The following EDN1 variants were observed in gnomAD, a reference collection of about 807,000 sequenced individuals.
EDN1 encodes endothelin 1, also known as endothelin-1.
A neutral mutation model predicts 21.7 loss-of-function variants in EDN1; 11 were observed. That is an observed-to-expected ratio of 0.51 (90% CI 0.32 to 0.84). EDN1 has a LOEUF of 0.84. EDN1 is among the 40% of genes least tolerant of loss of function. The pLI, the probability that EDN1 is intolerant of heterozygous loss-of-function variation, is 0.03. For synonymous variants in EDN1, 85 were observed against 90.6 expected, an observed-to-expected ratio of 0.94 and a Z score of 0.35; for missense variants, 244 against 262.3, an observed-to-expected ratio of 0.93 and a Z score of 0.48.
chr6:12,262,438 A>C, the EDN1 span, among the ~76,000 whole-genome samples: 20 of 152,186 alleles, frequency 1.3e-4, no homozygotes, highest in African/African-American at 4.3e-4. Context: ...GGCTTCCCAG[A>C]GAGTAGATCT....
rs576313237 is a variant in EDN1, at chr6:12,292,400, A to T, written c.124A>T (p.Ser42Cys). 2.5e-6 allele frequency: 4 copies of T among 1,613,786 alleles called. No individual in the cohort carries two copies. The South Asian group carries it at 4.4e-5, about 18-fold the overall frequency. The change falls in exon 2 of 5, where the codon AGT becomes TGT. Residue 42 changes from serine to cysteine, a missense_variant. Ser to Cys is a moderately radical substitution (Grantham distance 112). Transcript: ENST00000379375. ...GENGGEKPTP[S>C]PPWRLRRSKR... The stretch of plus-strand genomic sequence containing the variant: ...GAACGGCGGGGAGAAACCCACTCCC[A>T]GTCCACCCTGGCGGCTCCGCCGGTC...
At chr6:12,272,343 A>G in the EDN1 span, among the ~76,000 whole-genome samples, 1 of 152,198 alleles carries the variant, frequency 6.6e-6, no homozygotes, top group Non-Finnish European at 1.5e-5. Context: ...GGTTAGGAAA[A>G]TAAAGAGACC....
chr6:12,258,284 C>CT, the EDN1 span, among the ~76,000 whole-genome samples: 3 of 128,274 alleles, frequency 2.3e-5, no homozygotes, highest in African/African-American at 5.2e-5. Flanking sequence ...AGACCTCCAT[C>CT]TTTAAAAAAA....
chr6:12,256,338 G>A, the EDN1 span, among the ~76,000 whole-genome samples: 1 of 152,198 alleles, frequency 6.6e-6, no homozygotes, highest in African/African-American at 2.4e-5. Context: ...GGGCAACAGA[G>A]TGAGATCTTG....
At chr6:12,245,663 G>A in the EDN1 span, among the ~76,000 whole-genome samples, 2 of 152,174 alleles carry the variant, frequency 1.3e-5, no homozygotes, top group Admixed American at 6.5e-5. Context: ...CTCCACCCCT[G>A]ATGTTCTGGG....
At chr6:12,262,372 G>A in the EDN1 span, among the ~76,000 whole-genome samples, 1 of 152,122 alleles carries the variant, frequency 6.6e-6, no homozygotes, top group African/African-American at 2.4e-5. Context: ...GGAGCCTTCC[G>A]GGACTGTGTG....
chr6:12,233,211 G>A, the EDN1 span, among the ~76,000 whole-genome samples: 1 of 152,250 alleles, frequency 6.6e-6, no homozygotes, highest in South Asian at 2.1e-4. Context: ...GCCCTTCCTA[G>A]CTCTGTCCTC....
At chr6:12,236,889 A>G in the EDN1 span, among the ~76,000 whole-genome samples, 1 of 151,522 alleles carries the variant, frequency 6.6e-6, no homozygotes, top group Non-Finnish European at 1.5e-5. Flanking sequence ...GGTTTGTTAC[A>G]TATGTATACA....
the EDN1 span, among the ~76,000 whole-genome samples, chr6:12,261,902 A>G: frequency 6.6e-6 from 1 of 152,184 alleles, no homozygotes; most frequent in African/African-American, 2.4e-5. Context: ...ACTTATAGAC[A>G]TGGAGAGAGG....
chr6:12,249,638 T>C, the EDN1 span, among the ~76,000 whole-genome samples: 1 of 151,294 alleles, frequency 6.6e-6, no homozygotes, highest in Non-Finnish European at 1.5e-5. Flanking sequence ...GGCAAACAAG[T>C]GCTATAGGAT....
Position 12,290,443 on chromosome 6 carries a change from G to A in EDN1, c.-187G>A. 1 of 614,558 alleles carries A rather than the reference G, an allele frequency of 1.6e-6. No individual in the cohort carries two copies. Among genetic ancestry groups the A allele is most frequent in the Non-Finnish European group, 2.9e-6 (1 of 346,442 alleles). 38.1% of individuals were successfully genotyped at this position (614,558 alleles called of 1,614,324 possible). A position where few individuals can be genotyped will look rare whatever the true frequency, so the allele number is the denominator to read the frequency against. ...CTCTCCACCGCCGCGTGCGCCTGCA[G>A]ACGCTCCGCTCGCTGCCTTCTCTCC... is the stretch of plus-strand genomic sequence containing the variant. On this transcript the variant is annotated 5_prime_UTR_variant, in exon 1 of 5. Transcript: ENST00000379375.
chr6:12,246,241 C>T, the EDN1 span, among the ~76,000 whole-genome samples: 2 of 152,166 alleles, frequency 1.3e-5, no homozygotes, highest in South Asian at 2.1e-4. Context: ...ACTCAAGCCA[C>T]CTGGTGGGCA....
intron 1 of EDN1, among the ~76,000 whole-genome samples, chr6:12,291,419 C>T (rs546858879): frequency 6.6e-6 from 1 of 152,142 alleles, no homozygotes; most frequent in African/African-American, 2.4e-5. Context: ...TTAGGCAGTG[C>T]GTGTGCATCT....
intron 1 of EDN1, among the ~76,000 whole-genome samples, chr6:12,291,041 G>C (rs1407437522): frequency 6.6e-6 from 1 of 152,124 alleles, no homozygotes; most frequent in Non-Finnish European, 1.5e-5. Context: ...TGTTTATACA[G>C]GTACACAGGC....
At position 12,294,037 on chromosome 6, in the gene EDN1, A is replaced by G. The variant is rs773705696; in HGVS notation, c.330A>G (p.Gln110=). The part of the protein sequence containing the change: ...TKATDRENRC[Q]CASQKDKKCW... ...CAACAGACCGTGAAAATAGATGCCA[A>G]TGTGCTAGCCAAAAAGACAAGAAGT... Residue 110 remains glutamine, a synonymous_variant, in exon 3 of 5, where the codon CAA becomes CAG. Transcript: ENST00000379375. 2 of 1,614,256 alleles carry G rather than the reference A, an allele frequency of 1.2e-6. No homozygotes were observed. The highest frequency in any genetic ancestry group is 2.2e-5 in the East Asian group (1 of 44,886).
chr6:12,292,551 C>T lies in EDN1; in HGVS notation c.233+42C>T, dbSNP rs202003404. 36 of 1,611,366 alleles carry T rather than the reference C, an allele frequency of 2.2e-5. 1 individual carries two copies. The highest frequency in any genetic ancestry group is 3.3e-4 in the Middle Eastern group (2 of 6,050). On this transcript the variant is annotated intron_variant, in intron 2 of 4. Transcript: ENST00000379375. ...CATTGTAACCCTAGTCATTCATTAG[C>T]GCTGGCTCCACTGGAGCCCAGTTTT...
chr6:12,266,255 G>C, the EDN1 span, among the ~76,000 whole-genome samples: 5 of 152,274 alleles, frequency 3.3e-5, no homozygotes, highest in South Asian at 1.0e-3. Context: ...TAATGATTGA[G>C]TCATACCTTT....
intron 3 of EDN1, 37 bp downstream of exon 3, chr6:12,294,133 C>T (rs1762762632): frequency 1.2e-6 from 2 of 1,613,988 alleles, no homozygotes; most frequent in African/African-American, 2.7e-5. Flanking sequence ...ATCAGTTTAA[C>T]AGCCTCCTGA....
the EDN1 span, among the ~76,000 whole-genome samples, chr6:12,272,624 A>AT: frequency 0.74 from 106,096 of 143,802 alleles, 39,036 homozygotes; most frequent in East Asian, 0.82. Context: ...TGCCCAGCTA[A>AT]TTTTTTTTTT....
Sources: allele counts gnomAD v4.1 joint callset (sites outside exome capture counted in the v4.1 genomes callset), GRCh38; gene constraint gnomAD v4.1.1; transcripts MANE v1.5; gene names NCBI Gene and HGNC (gene_info 2026-07-23, HGNC 2026-07-21).